Variants in SLF2 observed in about 807,000 individuals in gnomAD.
The protein encoded by SLF2 is SMC5-SMC6 complex localization factor protein 2.
A neutral mutation model predicts 124.3 loss-of-function variants in SLF2; 68 were observed. That is an observed-to-expected ratio of 0.55 (90% CI 0.45 to 0.67). SLF2 has a LOEUF of 0.67. SLF2 is among the 30% of genes least tolerant of loss of function. The pLI, the probability that SLF2 is intolerant of heterozygous loss-of-function variation, is 0.00. For synonymous variants in SLF2, 480 were observed against 478.8 expected (o/e 1.00, Z -0.03); for missense variants, 1,246 against 1,373.7 (o/e 0.91, Z 1.47).
At chr10:100,926,257 C>A in intron 6 of SLF2, 1 of 1,509,120 alleles carries the variant, frequency 6.6e-7, no homozygotes, top group South Asian at 1.3e-5. Context: ...TGCGGTGAGT[C>A]GTGATGGCGC....
Position 100,929,947 on chromosome 10 carries a change from A to G in SLF2, c.2283A>G (p.Leu761=). Residue 761 remains leucine, a synonymous_variant, in exon 8 of 20, where the codon TTA becomes TTG. Coordinates refer to ENST00000238961, the MANE Select transcript of SLF2 (RefSeq NM_018121.4). Reference sequence around the variant, plus strand: ...TTTTCAATCAGTATACCTTGGATTTAAGAGACTCTGGTTTTATTGGACAAA... The same window carrying G: ...TTTTCAATCAGTATACCTTGGATTTGAGAGACTCTGGTTTTATTGGACAAA... The part of the protein sequence containing the change: ...GKIFNQYTLD[L]RDSGFIGQSA... 6.4e-7 allele frequency: 1 copy of G among 1,570,204 alleles called. No homozygotes were observed. The highest frequency in any genetic ancestry group is 1.4e-5 in the African/African-American group (1 of 73,120).
intron 11 of SLF2, among the ~76,000 whole-genome samples, chr10:100,943,375 C>T (rs1418725240): frequency 3.9e-5 from 6 of 152,134 alleles, no homozygotes; most frequent in Admixed American, 2.6e-4. Flanking sequence ...AGGAAGGAAA[C>T]GAGTGGTTAT....
intron 11 of SLF2, among the ~76,000 whole-genome samples, chr10:100,940,660 C>T (rs1442394992): frequency 6.6e-6 from 1 of 152,000 alleles, no homozygotes; most frequent in South Asian, 2.1e-4. Flanking sequence ...CTGTGCCTGG[C>T]TTGAACTTGT....
intron 4 of SLF2, 145 bp downstream of exon 4, chr10:100,918,586 A>G (rs1304705481): frequency 1.7e-5 from 10 of 574,502 alleles, no homozygotes; most frequent in South Asian, 1.4e-4. Context: ...TGGTAAGATC[A>G]TATTAAAAAA....
At position 100,938,802 on chromosome 10, in the gene SLF2, T is replaced by G. The variant is rs577529202; in HGVS notation, c.2654+66T>G. 4.5e-6 allele frequency: 6 copies of G among 1,339,652 alleles called. No individual in the cohort carries two copies. The East Asian group carries it at 1.3e-4, about 28-fold the overall frequency. 83.0% of individuals were successfully genotyped at this position (1,339,652 alleles called of 1,614,324 possible). Reference sequence around the variant, plus strand: ...CGTACGACTTATATATAATTATAGCTAAAGTTTAATATTTATTTCTGATTT... The same window carrying G: ...CGTACGACTTATATATAATTATAGCGAAAGTTTAATATTTATTTCTGATTT... On this transcript the variant is annotated intron_variant, in intron 11 of 19. Coordinates refer to ENST00000238961, the MANE Select transcript of SLF2 (RefSeq NM_018121.4).
At chr10:100,938,066 G>A (rs960593036) in intron 10 of SLF2, among the ~76,000 whole-genome samples, 1 of 152,136 alleles carries the variant, frequency 6.6e-6, no homozygotes, top group African/African-American at 2.4e-5. Context: ...AGTGGAAATG[G>A]TTCCAAACTT....
At chr10:100,955,564 A>G (rs1850314456) in intron 17 of SLF2, among the ~76,000 whole-genome samples, 1 of 152,108 alleles carries the variant, frequency 6.6e-6, no homozygotes, top group East Asian at 1.9e-4. Flanking sequence ...ATTTGACACT[A>G]GCCTTGGCAA....
chr10:100,951,393 T>C (rs1850211139), intron 17 of SLF2, among the ~76,000 whole-genome samples: 2 of 152,234 alleles, frequency 1.3e-5, no homozygotes, highest in African/African-American at 4.8e-5. Context: ...GGACCCATAT[T>C]GACTCCAGTA....
At chr10:100,945,990 A>G (rs1291069253) in intron 13 of SLF2, among the ~76,000 whole-genome samples, 1 of 152,212 alleles carries the variant, frequency 6.6e-6, no homozygotes, top group Non-Finnish European at 1.5e-5. Flanking sequence ...GCAGAGACCT[A>G]AATGAAATGA....
At chr10:100,949,587 A>C (rs918557454) in intron 15 of SLF2, among the ~76,000 whole-genome samples, 1 of 151,254 alleles carries the variant, frequency 6.6e-6, no homozygotes, top group Non-Finnish European at 1.5e-5. Context: ...TAAATCTTTA[A>C]CTTAAAATCC....
At chr10:100,932,692 AGTGTGTGTGTGTGT>A (rs111530755) in intron 9 of SLF2, among the ~76,000 whole-genome samples, 117 of 133,628 alleles carry the variant, frequency 8.8e-4, no homozygotes, top group African/African-American at 2.9e-3. Context: ...ACAAACAATA[AGTGTGTGTGTGTGT>A]GTGTGTGTGT....
chr10:100,937,147 A>C (rs986345683), intron 9 of SLF2, among the ~76,000 whole-genome samples: 1 of 151,872 alleles, frequency 6.6e-6, no homozygotes, highest in Non-Finnish European at 1.5e-5. Flanking sequence ...CCAGTCCTCC[A>C]CTACAGGTGT....
At position 100,956,562 on chromosome 10, in the gene SLF2, T is replaced by C. The variant is rs775363866; in HGVS notation, c.3417+25T>C. 4.8e-5 allele frequency: 49 copies of C among 1,025,434 alleles called. No individual in the cohort carries two copies. In the African/African-American group the frequency reaches 6.9e-4, roughly 14 times the overall value. The allele number at this position is 1,025,434 out of a possible 1,614,324, so 63.5% of individuals were successfully genotyped here. A position where few individuals can be genotyped will look rare whatever the true frequency, so the allele number is the denominator to read the frequency against. On this transcript the variant is annotated intron_variant, in intron 18 of 19. Coordinates refer to ENST00000238961, the MANE Select transcript of SLF2 (RefSeq NM_018121.4). ...GGTAAGTGTGTTCTTTCTTTTTTTCTTTTTTTTTTTCTTAATCTTGGTTAC... is the reference window on the plus strand; with the variant it reads ...GGTAAGTGTGTTCTTTCTTTTTTTCCTTTTTTTTTTCTTAATCTTGGTTAC...
intron 11 of SLF2, among the ~76,000 whole-genome samples, chr10:100,939,739 C>A (rs189893170): frequency 1.3e-5 from 2 of 149,998 alleles, no homozygotes; most frequent in Admixed American, 6.6e-5. Flanking sequence ...AGAAAAAGAT[C>A]AATACCTATT....
At chr10:100,959,153 G>T (rs890992128) in intron 18 of SLF2, among the ~76,000 whole-genome samples, 1 of 152,186 alleles carries the variant, frequency 6.6e-6, no homozygotes, top group Non-Finnish European at 1.5e-5. Flanking sequence ...TGAAGGCAGA[G>T]AATGTGTTTT....
chr10:100,931,991 C>CA (rs35095867), intron 9 of SLF2, among the ~76,000 whole-genome samples: 332 of 141,596 alleles, frequency 2.3e-3, no homozygotes, highest in African/African-American at 6.8e-3. Flanking sequence ...GACTCTGTCT[C>CA]AAAAAAAAAA....
At chr10:100,957,330 A>ATTTTTTTTTTT (rs71013477) in intron 18 of SLF2, among the ~76,000 whole-genome samples, 8 of 91,866 alleles carry the variant, frequency 8.7e-5, no homozygotes, top group Non-Finnish European at 1.4e-4. Context: ...GGAGTCTTCA[A>ATTTTTTTTTTT]TTTTTTTTTT....
chr10:100,928,041 C>A (rs780726100), intron 6 of SLF2, among the ~76,000 whole-genome samples: 1,570 of 45,074 alleles, frequency 0.035, 80 homozygotes, highest in Non-Finnish European at 0.056. Flanking sequence ...ACCCCCCCCC[C>A]CCCCCACACA....
rs375096414 is a variant in SLF2 at position 100,947,817 on chromosome 10, C to T, written c.3090C>T (p.His1030=). Residue 1030 remains histidine, a synonymous_variant, in exon 15 of 20, where the codon CAC becomes CAT. Coordinates refer to ENST00000238961, the MANE Select transcript of SLF2 (RefSeq NM_018121.4). ...TTTCAAAGCTTTTGGATGAGAAACA[C>T]GAAGATGTTCCTAATGCCAGTAATC... ...VIISKLLDEK[H]EDVPNASNLQ... 4.2e-5 allele frequency: 67 copies of T among 1,611,618 alleles called. No individual in the cohort carries two copies. Among genetic ancestry groups the T allele is most frequent in the Non-Finnish European group, 5.2e-5 (61 of 1,178,840 alleles).
Sources: allele counts gnomAD v4.1 joint callset (sites outside exome capture counted in the v4.1 genomes callset), GRCh38; gene constraint gnomAD v4.1.1; transcripts MANE v1.5; gene names NCBI Gene and HGNC (gene_info 2026-07-23, HGNC 2026-07-21).